Variants in WDR33 observed in about 807,000 individuals in gnomAD.
The protein encoded by WDR33 is pre-mRNA 3' end processing protein WDR33.
In WDR33, 47 loss-of-function variants were observed where a neutral mutation model predicts 164.9. The observed-to-expected ratio is 0.29, with a 90% CI of 0.23 to 0.36. The LOEUF (loss-of-function observed/expected upper bound fraction) is 0.36. Ranked by LOEUF, WDR33 falls within the 10% of genes least tolerant of loss-of-function variation. The probability of loss-of-function intolerance (pLI) is 1.00; values close to 1 mark genes in which losing one functional copy is unlikely to be tolerated. For missense variants in WDR33, 1,137 were observed against 1,754.1 expected (o/e 0.65, Z 6.28); for synonymous variants, 505 against 589.0 (o/e 0.86, Z 2.06).
At position 127,701,909 on chromosome 2, in the gene WDR33, G is replaced by A; in HGVS notation, c.*4414C>T. On this transcript the variant is annotated 3_prime_UTR_variant, in exon 22 of 22. Coordinates refer to ENST00000322313, the MANE Select transcript of WDR33 (RefSeq NM_018383.5). Reference sequence around the variant, plus strand: ...CGTTGGCGGGAAGCGCGCTGCTGCGGGGCGGCGCGGCGTGCGGACGCCTGC... The same window carrying A: ...CGTTGGCGGGAAGCGCGCTGCTGCGAGGCGGCGCGGCGTGCGGACGCCTGC... 1 of 1,450,048 alleles carries A rather than the reference G, an allele frequency of 6.9e-7. No individual in the cohort carries two copies. Among genetic ancestry groups the A allele is most frequent in the Non-Finnish European group, 9.0e-7 (1 of 1,107,772 alleles). The allele number at this position is 1,450,048 out of a possible 1,614,324, so 89.8% of individuals were successfully genotyped here.
intron 7 of WDR33, chr2:127,737,606 A>C: frequency 2.0e-6 from 2 of 1,002,766 alleles, no homozygotes; most frequent in Non-Finnish European, 2.4e-6. Context: ...TTAATAATAG[A>C]TGTATTAGTG....
chr2:127,775,973 TA>T (rs1398138960), intron 1 of WDR33, among the ~76,000 whole-genome samples: 1 of 152,226 alleles, frequency 6.6e-6, no homozygotes, highest in Non-Finnish European at 1.5e-5. Context: ...CTATACCTTA[TA>T]CACTTCAGCT....
Position 127,735,797 on chromosome 2 carries a change from T to C in WDR33, c.725-9020A>G. The C allele has an allele frequency of 1.0e-6, 1 of 985,440 alleles. No homozygotes were observed. The highest frequency in any genetic ancestry group is 1.7e-5 in the African/African-American group (1 of 57,374). 61.0% of individuals were successfully genotyped at this position (985,440 alleles called of 1,614,324 possible). A position where few individuals can be genotyped will look rare whatever the true frequency, so the allele number is the denominator to read the frequency against. The stretch of plus-strand genomic sequence containing the variant: ...TGCTCTGGTCAAGGAATATGCAATT[T>C]ATTAGTATTTTACCTTCCTTTAATG... On this transcript the variant is annotated intron_variant, in intron 7 of 21. Coordinates refer to ENST00000322313, the MANE Select transcript of WDR33 (RefSeq NM_018383.5). The surrounding 1 kb of genome is among the most constrained non-coding windows in gnomAD (Gnocchi z 4.3).
At chr2:127,803,571 ATAAAT>A (rs1689326493) in intron 1 of WDR33, among the ~76,000 whole-genome samples, 1 of 152,164 alleles carries the variant, frequency 6.6e-6, no homozygotes, top group Non-Finnish European at 1.5e-5. Flanking sequence ...GTCTCAAAAA[ATAAAT>A]AAAATAAAAT....
intron 7 of WDR33, chr2:127,736,213 T>G (rs1201350560): frequency 1.0e-6 from 1 of 985,328 alleles, no homozygotes; most frequent in Non-Finnish European, 1.2e-6. Flanking sequence ...TTTGGAAATG[T>G]GAAACACTAG....
rs1419760091 is a variant in WDR33, at chr2:127,711,772, A to ATTTTTTTTTTTTTTTT, written c.3308+1810_3308+1811insAAAAAAAAAAAAAAAA. 1.1e-4 allele frequency among the ~76,000 whole-genome samples: 10 copies of ATTTTTTTTTTTTTTTT among 87,712 alleles called. 1 individual carries two copies. Among genetic ancestry groups the ATTTTTTTTTTTTTTTT allele is most frequent in the Non-Finnish European group, 1.9e-4 (9 of 47,918 alleles). 57.5% of individuals were successfully genotyped at this position (87,712 alleles called of 152,430 possible). On this transcript the variant is annotated intron_variant, in intron 18 of 21. Coordinates refer to ENST00000322313, the MANE Select transcript of WDR33 (RefSeq NM_018383.5). ...TACAGATATATATATATATATATAT[A>ATTTTTTTTTTTTTTTT]TATATATATTTTTTTTTTGAGACAG...
intron 7 of WDR33, 62 bp downstream of exon 7, chr2:127,763,000 T>C: frequency 6.2e-7 from 1 of 1,610,180 alleles, no homozygotes; most frequent in Non-Finnish European, 8.5e-7. Flanking sequence ...GGTTTTGTGA[T>C]GATTTAACCA....
intron 4 of WDR33, among the ~76,000 whole-genome samples, chr2:127,767,541 G>A (rs539273382): frequency 1.9e-4 from 29 of 151,720 alleles, no homozygotes; most frequent in Non-Finnish European, 3.4e-4. Flanking sequence ...GTGAAACCCC[G>A]TCTCTACTAA....
At chr2:127,729,918 A>G (rs1173662186) in intron 7 of WDR33, among the ~76,000 whole-genome samples, 3 of 152,240 alleles carry the variant, frequency 2.0e-5, no homozygotes, top group Non-Finnish European at 4.4e-5. Context: ...TGAAAAAAGT[A>G]TGTGTAGCAT....
At chr2:127,771,358 A>G (rs2105445104) in intron 1 of WDR33, among the ~76,000 whole-genome samples, 1 of 152,348 alleles carries the variant, frequency 6.6e-6, no homozygotes, top group Non-Finnish European at 1.5e-5. Flanking sequence ...TAACACAATA[A>G]GTATTCATGT....
In WDR33 at chr2:127,712,446, G is replaced by A. The variant is rs998870070; in HGVS notation, c.3308+1137C>T. On this transcript the variant is annotated intron_variant, in intron 18 of 21. Coordinates refer to ENST00000322313, the MANE Select transcript of WDR33 (RefSeq NM_018383.5). This position sits in a 1 kb window ranked among gnomAD's most constrained non-coding sequence, Gnocchi z 4.0. ...GGGATGAAAGGACACGGAAGGCTAA[G>A]GAGTAATCAGAGACTATAGTAAAAG... is the stretch of plus-strand genomic sequence containing the variant. Among the ~76,000 whole-genome samples the A allele has an allele frequency of 1.3e-5, 2 of 151,986 alleles. No homozygotes were observed. Among genetic ancestry groups the A allele is most frequent in the African/African-American group, 4.8e-5 (2 of 41,394 alleles).
chr2:127,782,591 C>T (rs557240699), intron 1 of WDR33, among the ~76,000 whole-genome samples: 2 of 152,054 alleles, frequency 1.3e-5, no homozygotes, highest in African/African-American at 2.4e-5. Flanking sequence ...TGGATTCAAC[C>T]GAGGAAGAAA....
chr2:127,742,279 G>A (rs559373111), intron 7 of WDR33, among the ~76,000 whole-genome samples: 1 of 152,148 alleles, frequency 6.6e-6, no homozygotes, highest in Non-Finnish European at 1.5e-5. Flanking sequence ...TGTAATCCCA[G>A]GACCTTGGGA....
In WDR33 at chr2:127,809,376, A is replaced by G. The variant is rs181501902; in HGVS notation, c.-24+1636T>C. ...ATCCAAGTTAAGCCATCAGCTTCACAGATAAACATTTATTTTTGTCTAAAC... is the reference window on the plus strand; with the variant it reads ...ATCCAAGTTAAGCCATCAGCTTCACGGATAAACATTTATTTTTGTCTAAAC... On this transcript the variant is annotated intron_variant, in intron 1 of 21. Transcript: ENST00000322313. Among the ~76,000 whole-genome samples, 578 of 152,094 alleles carry G rather than the reference A, an allele frequency of 3.8e-3. 3 individuals carry two copies. Among genetic ancestry groups the G allele is most frequent in the Non-Finnish European group, 5.8e-3 (393 of 67,988 alleles).
At chr2:127,753,871 G>C (rs1434756002) in intron 7 of WDR33, among the ~76,000 whole-genome samples, 1 of 151,972 alleles carries the variant, frequency 6.6e-6, no homozygotes, top group African/African-American at 2.4e-5. Context: ...GAACAGTAAA[G>C]AAAAAGAAAA....
At position 127,722,935 on chromosome 2, in the gene WDR33, T is replaced by C; in HGVS notation, c.1378+23A>G. On this transcript the variant is annotated intron_variant, in intron 13 of 21. Transcript: ENST00000322313. This position sits in a 1 kb window ranked among gnomAD's most constrained non-coding sequence, Gnocchi z 5.1. ...CAAGAAAAAATTTGTAAAAATTAAA[T>C]GTGTCTGTGTAACTTCTCTTACCCA... is the stretch of plus-strand genomic sequence containing the variant. 6.3e-7 allele frequency: 1 copy of C among 1,579,308 alleles called. No individual in the cohort carries two copies. The highest frequency in any genetic ancestry group is 8.6e-7 in the Non-Finnish European group (1 of 1,167,396).
chr2:127,737,031 T>C (rs941114105), intron 7 of WDR33: 1 of 985,448 alleles, frequency 1.0e-6, no homozygotes, highest in Non-Finnish European at 1.2e-6. Context: ...GTCAATCTTC[T>C]ATATTCTTCA....
In WDR33 at chr2:127,701,742, A is replaced by T; in HGVS notation, c.*4581T>A. 1 of 1,411,130 alleles carries T rather than the reference A, an allele frequency of 7.1e-7. No individual in the cohort carries two copies. Among genetic ancestry groups the T allele is most frequent in the Non-Finnish European group, 9.2e-7 (1 of 1,082,308 alleles). 87.4% of individuals were successfully genotyped at this position (1,411,130 alleles called of 1,614,324 possible). On this transcript the variant is annotated 3_prime_UTR_variant, in exon 22 of 22. Coordinates refer to ENST00000322313, the MANE Select transcript of WDR33 (RefSeq NM_018383.5). The stretch of plus-strand genomic sequence containing the variant: ...CGGCCTGACGTGCCTCCCGAGCGTG[A>T]CGCGCGGGCAGCGGCTGGCGGCGGG...
At chr2:127,808,042 T>C (rs925628993) in intron 1 of WDR33, among the ~76,000 whole-genome samples, 3 of 152,172 alleles carry the variant, frequency 2.0e-5, no homozygotes, top group African/African-American at 7.2e-5. Context: ...ATTAAAGATA[T>C]ATACAAAATG....
Sources: gnomAD v4.1 joint callset for allele counts (sites outside exome capture counted in the v4.1 genomes callset) on GRCh38, gnomAD v4.1.1 for gene constraint, Gnocchi (gnomAD v3.1) non-coding constraint, MANE v1.5 for transcripts, NCBI Gene and HGNC (gene_info 2026-07-23, HGNC 2026-07-21) for gene names.